VPS13B: variants seen among roughly 807,000 people sequenced by gnomAD.
The protein encoded by VPS13B is intermembrane lipid transfer protein VPS13B.
In VPS13B, 285 loss-of-function variants were observed where a neutral mutation model predicts 426.4. That is an observed-to-expected ratio of 0.67 (90% CI 0.61 to 0.74). The LOEUF is 0.74. VPS13B is among the 30% of genes least tolerant of loss of function. VPS13B has a pLI of 0.00. For missense variants in VPS13B, 4,537 were observed against 4,782.6 expected, an observed-to-expected ratio of 0.95 and a Z score of 1.51; for synonymous variants, 1,676 against 1,676.4, an observed-to-expected ratio of 1.00 and a Z score of 0.01.
At chr8:99,669,260 A>G (rs962024810) in intron 35 of VPS13B, among the ~76,000 whole-genome samples, 1 of 143,520 alleles carries the variant, frequency 7.0e-6, no homozygotes, top group African/African-American at 2.7e-5. Context: ...TTAACTTTGA[A>G]ATGCAATTTT....
At position 99,237,676 on chromosome 8, in the gene VPS13B, T is replaced by C. The variant is rs78992276; in HGVS notation, c.2516-36522T>C. The stretch of plus-strand genomic sequence containing the variant: ...ATGGTGAGGGATAAAAGACTACACA[T>C]TGGGTATAGTGGTGTATGCTGCTTG... On this transcript the variant is annotated intron_variant, in intron 17 of 61. Transcript: ENST00000357162. 1.5e-3 allele frequency among the ~76,000 whole-genome samples: 223 copies of C among 152,212 alleles called. 1 individual carries two copies. Among genetic ancestry groups the C allele is most frequent in the African/African-American group, 5.1e-3 (211 of 41,540 alleles).
At chr8:99,803,478 C>A (rs1433184209) in intron 43 of VPS13B, among the ~76,000 whole-genome samples, 1 of 152,146 alleles carries the variant, frequency 6.6e-6, no homozygotes, top group African/African-American at 2.4e-5. Context: ...CCTACCAAAA[C>A]AAACTACATC....
chr8:99,809,445 G>A lies in VPS13B; in HGVS notation c.8012G>A (p.Gly2671Glu), dbSNP rs747515158. The A allele has an allele frequency of 6.2e-7, 1 of 1,613,884 alleles. No individual in the cohort carries two copies. The highest frequency in any genetic ancestry group is 1.1e-5 in the South Asian group (1 of 91,076). ...GAGCCTTTCAGTGTGGACCATGCCG[G>A]GACTTTTATTAGAACAATTCAGTAC... ...WSEPFSVDHAGTFIRTIQYRG... is the reference protein window; with the variant it reads ...WSEPFSVDHAETFIRTIQYRG... The change falls in exon 44 of 62, where the codon GGG (glycine) becomes GAG (glutamate). Residue 2671 changes from glycine to glutamate, a missense_variant. By Grantham distance (98) the Gly-to-Glu change is moderately conservative. Around this residue, in one of 2 missense-constraint regions of VPS13B, gnomAD observed 4,311 missense variants for 4,474.3 expected, o/e 0.96. Transcript: ENST00000357162.
intron 3 of VPS13B, among the ~76,000 whole-genome samples, chr8:99,088,786 C>A (rs1380895111): frequency 6.6e-6 from 1 of 152,188 alleles, no homozygotes; most frequent in Non-Finnish European, 1.5e-5. Context: ...AGGCCCTCTG[C>A]CATTTGCCCT....
At chr8:99,706,139 T>C (rs1009229255) in intron 36 of VPS13B, among the ~76,000 whole-genome samples, 1 of 152,106 alleles carries the variant, frequency 6.6e-6, no homozygotes, top group Admixed American at 6.6e-5. Context: ...AAAAGAACAT[T>C]GCTGTACCCC....
intron 33 of VPS13B, among the ~76,000 whole-genome samples, chr8:99,620,838 T>G (rs1196774627): frequency 1.3e-5 from 2 of 151,406 alleles, no homozygotes; most frequent in African/African-American, 2.4e-5. Context: ...AAATACAAAA[T>G]TAGCCATGTG....
intron 23 of VPS13B, 94 bp downstream of exon 23, chr8:99,442,729 C>T: frequency 7.9e-7 from 1 of 1,273,512 alleles, no homozygotes; most frequent in Non-Finnish European, 1.1e-6. Context: ...ATAAGCAAAT[C>T]AGTCTTCTCA....
intron 39 of VPS13B, among the ~76,000 whole-genome samples, chr8:99,757,427 T>TA (rs1810695576): frequency 1.3e-5 from 2 of 152,170 alleles, no homozygotes; most frequent in African/African-American, 2.4e-5. Context: ...AACTCTTTAT[T>TA]ATGCACATAT....
rs370769121 is a variant in VPS13B at position 99,574,802 on chromosome 8, A to G, written c.4950-856A>G. On this transcript the variant is annotated intron_variant, in intron 31 of 61. Transcript: ENST00000357162. ...GAACTTCATTTCCTTACAGATAATA[A>G]TGGGGCTATTAACAGTCCCTACTTT... Among the ~76,000 whole-genome samples, 22 of 152,236 alleles carry G rather than the reference A, an allele frequency of 1.4e-4. No individual in the cohort carries two copies. The East Asian group carries it at 3.3e-3, about 23-fold the overall frequency.
chr8:99,516,925 T>A (rs1303648582), intron 29 of VPS13B, among the ~76,000 whole-genome samples: 1 of 152,122 alleles, frequency 6.6e-6, no homozygotes, highest in Non-Finnish European at 1.5e-5. Context: ...AATCTGTGCT[T>A]GTCACAGAGT....
intron 30 of VPS13B, among the ~76,000 whole-genome samples, chr8:99,552,720 A>C: frequency 6.6e-6 from 1 of 152,066 alleles, no homozygotes; most frequent in Non-Finnish European, 1.5e-5. Context: ...AGAATTACAA[A>C]AAATATTTGG....
At chr8:99,478,447 GTTTTTTTTTTTTTTTTTTGTT>G (rs1819829515) in intron 24 of VPS13B, among the ~76,000 whole-genome samples, 2 of 85,758 alleles carry the variant, frequency 2.3e-5, no homozygotes, top group Admixed American at 1.4e-4. Context: ...TTTTTGTTTT[GTTTTTTTTTTTTTTTTTTGTT>G]TTTTGTTTTT....
intron 3 of VPS13B, among the ~76,000 whole-genome samples, chr8:99,047,042 A>C (rs112629546): frequency 0.019 from 2,901 of 152,278 alleles, 61 homozygotes; most frequent in Non-Finnish European, 0.028. Context: ...TCGGTTTCAT[A>C]GAATGATTTA....
chr8:99,339,940 A>G (rs1159435229), intron 19 of VPS13B, among the ~76,000 whole-genome samples: 1 of 152,212 alleles, frequency 6.6e-6, no homozygotes, highest in African/African-American at 2.4e-5. Flanking sequence ...AATGCCAACA[A>G]ATAACAAAAC....
chr8:99,605,352 A>T (rs1256456038), intron 33 of VPS13B, among the ~76,000 whole-genome samples: 5 of 152,244 alleles, frequency 3.3e-5, no homozygotes, highest in African/African-American at 1.2e-4. Context: ...GTTTCTTTCT[A>T]GAAGTAACCC....
At chr8:99,471,692 A>G (rs1819415357) in intron 24 of VPS13B, among the ~76,000 whole-genome samples, 1 of 152,170 alleles carries the variant, frequency 6.6e-6, no homozygotes, top group Non-Finnish European at 1.5e-5. Flanking sequence ...TGAAATATTT[A>G]TGGTCTCAAT....
intron 19 of VPS13B, among the ~76,000 whole-genome samples, chr8:99,300,157 GTGTT>G (rs1010120722): frequency 5.3e-5 from 8 of 152,134 alleles, no homozygotes; most frequent in African/African-American, 1.7e-4. Context: ...ACTTGTGTGT[GTGTT>G]TGTGTGTACA....
chr8:99,754,956 T>G (rs887431420), intron 39 of VPS13B, among the ~76,000 whole-genome samples: 1 of 152,082 alleles, frequency 6.6e-6, no homozygotes, highest in Non-Finnish European at 1.5e-5. Context: ...ATTGATTAGT[T>G]TTAAAGTTGC....
chr8:99,715,271 C>T (rs1832865901), intron 36 of VPS13B, among the ~76,000 whole-genome samples: 3 of 152,102 alleles, frequency 2.0e-5, no homozygotes, highest in Non-Finnish European at 2.9e-5. Flanking sequence ...TCTAAACTGT[C>T]GATTCAGTTC....
Sources: gnomAD v4.1 joint callset for allele counts (sites outside exome capture counted in the v4.1 genomes callset) on GRCh38, gnomAD v4.1.1 for gene constraint, gnomAD v4.1.1 regional missense constraint, MANE v1.5 for transcripts, NCBI Gene and HGNC (gene_info 2026-07-23, HGNC 2026-07-21) for gene names.